NAA15: variants seen among roughly 807,000 people sequenced by gnomAD.
NAA15 encodes the protein N-terminal acetyltransferase.
NAA15 carries 34 observed loss-of-function variants against 114.0 expected under a neutral mutation model. The observed-to-expected ratio is 0.30, with a 90% confidence interval of 0.23 to 0.40. NAA15 has a LOEUF of 0.40. NAA15 is among the 10% of genes least tolerant of loss of function. The pLI is 1.00. For synonymous variants in NAA15, 340 were observed against 338.0 expected (o/e 1.01, Z -0.06); for missense variants, 658 against 1,004.5 (o/e 0.66, Z 4.66).
chr4:139,329,651 T>C (rs558042940), intron 1 of NAA15, among the ~76,000 whole-genome samples: 4 of 152,226 alleles, frequency 2.6e-5, no homozygotes, highest in African/African-American at 9.6e-5. Flanking sequence ...CTTACTACCA[T>C]GTGGGCTGTG....
intron 3 of NAA15, among the ~76,000 whole-genome samples, chr4:139,337,218 A>G (rs1163153361): frequency 6.6e-6 from 1 of 152,236 alleles, no homozygotes; most frequent in African/African-American, 2.4e-5. Flanking sequence ...GGGCATTGCT[A>G]GGGTCTGAAT....
chr4:139,358,442 T>C (rs1310931233), intron 11 of NAA15, among the ~76,000 whole-genome samples: 1 of 152,074 alleles, frequency 6.6e-6, no homozygotes, highest in Non-Finnish European at 1.5e-5. Context: ...GTGATCCACC[T>C]GTTTTGGCCT....
chr4:139,385,283 A>ACGC (rs1553999084), intron 18 of NAA15, among the ~76,000 whole-genome samples: 1 of 100,490 alleles, frequency 1.0e-5, no homozygotes, highest in Non-Finnish European at 2.2e-5. Context: ...ATATATATAT[A>ACGC]ATATATATAT....
At chr4:139,374,138 CATATACTCCTTTACA>C (rs1748518137) in intron 15 of NAA15, among the ~76,000 whole-genome samples, 2 of 152,090 alleles carry the variant, frequency 1.3e-5, no homozygotes, top group Non-Finnish European at 2.9e-5. Flanking sequence ...ATGCTAGAGA[CATATACTCCTTTACA>C]ACATATCTTA....
intron 1 of NAA15, among the ~76,000 whole-genome samples, chr4:139,325,228 AAG>A (rs1746758540): frequency 6.6e-6 from 1 of 152,186 alleles, no homozygotes; most frequent in Non-Finnish European, 1.5e-5. Flanking sequence ...ATTTGATTAT[AAG>A]ACTGGGTAAG....
intron 14 of NAA15, among the ~76,000 whole-genome samples, chr4:139,369,642 T>C (rs1748378182): frequency 6.8e-6 from 1 of 147,614 alleles, no homozygotes; most frequent in Non-Finnish European, 1.5e-5. Context: ...GGAGGCTGAG[T>C]CAGGAGAATT....
At chr4:139,361,990 T>C (rs1748147493) in intron 14 of NAA15, 53 bp downstream of exon 14, 1 of 1,304,420 alleles carries the variant, frequency 7.7e-7, no homozygotes, top group African/African-American at 1.5e-5. Context: ...TGTATTTATG[T>C]GTATTATGTT....
At chr4:139,348,044 A>G (rs1747652128) in intron 6 of NAA15, among the ~76,000 whole-genome samples, 1 of 151,820 alleles carries the variant, frequency 6.6e-6, no homozygotes, top group South Asian at 2.1e-4. Flanking sequence ...GTCTCAAAAA[A>G]AAAAAAAAAA....
intron 7 of NAA15, among the ~76,000 whole-genome samples, chr4:139,350,373 G>T (rs1251598600): frequency 6.6e-6 from 1 of 152,222 alleles, no homozygotes. Flanking sequence ...GAAGTGACTT[G>T]CCAGGGTCAC....
chr4:139,374,159 T>C (rs945929938), intron 15 of NAA15, among the ~76,000 whole-genome samples: 4 of 152,178 alleles, frequency 2.6e-5, no homozygotes, highest in African/African-American at 7.2e-5. Flanking sequence ...TTACAACATA[T>C]CTTAATATGA....
chr4:139,389,764 T>A lies in NAA15; in HGVS notation c.*1680T>A, dbSNP rs1036636572. 3.3e-5 allele frequency: 5 copies of A among 152,608 alleles called. No homozygotes were observed. The highest frequency in any genetic ancestry group is 1.2e-4 in the African/African-American group (5 of 41,428). The allele number at this position is 152,608 out of a possible 1,614,324, so 9.5% of individuals were successfully genotyped here. The stretch of plus-strand genomic sequence containing the variant: ...TATAGAAAGTATACTCTAAAGGGAA[T>A]TTGCCGAAGACCTTTTACTGATTGA... On this transcript the variant is annotated 3_prime_UTR_variant, in exon 20 of 20. Coordinates refer to ENST00000296543, the MANE Select transcript of NAA15 (RefSeq NM_057175.5).
chr4:139,307,989 A>G (rs1330125196), intron 1 of NAA15, among the ~76,000 whole-genome samples: 2 of 151,732 alleles, frequency 1.3e-5, no homozygotes, highest in African/African-American at 4.8e-5. Flanking sequence ...TTTGAGACGG[A>G]GTCTCACTGT....
chr4:139,346,746 A>C (rs538597778), intron 6 of NAA15, among the ~76,000 whole-genome samples: 73 of 152,184 alleles, frequency 4.8e-4, no homozygotes, highest in Non-Finnish European at 9.1e-4. Context: ...GGCTTTCTCC[A>C]TATTGGTCAG....
Position 139,336,948 on chromosome 4 carries a change from T to G in NAA15, c.240T>G (p.His80Gln). 1 of 1,579,316 alleles carries G rather than the reference T, an allele frequency of 6.3e-7. No homozygotes were observed. Among genetic ancestry groups the G allele is most frequent in the Non-Finnish European group, 8.6e-7 (1 of 1,163,226 alleles). Reference protein sequence around the residue: ...RRGLRNDLKSHVCWHVYGLLQ... With the variant: ...RRGLRNDLKSQVCWHVYGLLQ... ...GTTTGAGAAATGACTTGAAGAGTCA[T>G]GTGTGTATCCTTTTTGAGATATATT... Residue 80 changes from histidine to glutamine, a missense_variant, in exon 3 of 20, where the codon CAT becomes CAG. Physicochemically the swap from His to Gln is conservative, Grantham distance 24. Transcript: ENST00000296543.
chr4:139,335,220 A>G (rs1320986665), intron 2 of NAA15, among the ~76,000 whole-genome samples: 1 of 152,188 alleles, frequency 6.6e-6, no homozygotes, highest in Non-Finnish European at 1.5e-5. Flanking sequence ...CTTTTTCCAT[A>G]TTAAAAATTA....
intron 2 of NAA15, among the ~76,000 whole-genome samples, 185 bp downstream of exon 2, chr4:139,334,443 C>A (rs1035330752): frequency 2.0e-5 from 3 of 152,106 alleles, no homozygotes; most frequent in African/African-American, 7.2e-5. Flanking sequence ...ACACATTTTA[C>A]TTGAGTTCTG....
At chr4:139,304,991 G>A (rs975944066) in intron 1 of NAA15, among the ~76,000 whole-genome samples, 2 of 152,084 alleles carry the variant, frequency 1.3e-5, no homozygotes, top group Admixed American at 6.5e-5. Context: ...CTATCAAAAG[G>A]GCACTGTAAC....
intron 14 of NAA15, among the ~76,000 whole-genome samples, chr4:139,365,663 CTG>C (rs555170440): frequency 3.0e-4 from 46 of 151,974 alleles, no homozygotes; most frequent in African/African-American, 1.1e-3. Context: ...CATGGTGAAA[CTG>C]TCTCTACAAA....
chr4:139,341,649 C>A (rs184954716), intron 4 of NAA15, among the ~76,000 whole-genome samples: 202 of 146,972 alleles, frequency 1.4e-3, no homozygotes, highest in African/African-American at 4.8e-3. Context: ...ATAAACAATG[C>A]CTTTGTCTAG....
Sources: allele counts gnomAD v4.1 joint callset (sites outside exome capture counted in the v4.1 genomes callset), GRCh38; gene constraint gnomAD v4.1.1; transcripts MANE v1.5; gene names NCBI Gene and HGNC (gene_info 2026-07-23, HGNC 2026-07-21).